The following NRG1 variants were observed in gnomAD, a reference collection of about 807,000 sequenced individuals.
NRG1 encodes neuregulin 1.
NRG1 carries 18 observed loss-of-function variants against 63.8 expected under a neutral mutation model. The ratio of observed to expected loss-of-function variants is 0.28; its 90% CI spans 0.19 to 0.42. NRG1 has a LOEUF of 0.42. Among genes scored for constraint, NRG1 ranks in the 10% least tolerant of loss-of-function variants. The pLI is 1.00. For missense variants in NRG1, 762 were observed against 814.7 expected (o/e 0.94, Z 0.79); for synonymous variants, 302 against 301.3 (o/e 1.00, Z -0.02).
chr8:32,407,946 A>C (rs892696823), intron 1 of NRG1, among the ~76,000 whole-genome samples: 1 of 152,184 alleles, frequency 6.6e-6, no homozygotes, highest in Non-Finnish European at 1.5e-5. Flanking sequence ...CTGAGAAGTC[A>C]CCAAGTTCAA....
At position 32,066,653 on chromosome 8, in the gene NRG1, G is replaced by A. The variant is rs570226719; in HGVS notation, c.37+427222G>A. On this transcript the variant is annotated intron_variant, in intron 1 of 10. Transcript: ENST00000519301. ...TCCAGCTTTGTTCTTCTGGCTTAGT[G>A]TTGACTTGGCAATGAGGACTCTTTT... Among the ~76,000 whole-genome samples, 80 of 152,134 alleles carry A rather than the reference G, an allele frequency of 5.3e-4. No homozygotes were observed. In the South Asian group the frequency reaches 8.5e-3, roughly 16 times the overall value.
chr8:31,881,083 T>C (rs1830311852), intron 1 of NRG1, among the ~76,000 whole-genome samples: 2 of 152,204 alleles, frequency 1.3e-5, no homozygotes, highest in Admixed American at 1.3e-4. Flanking sequence ...TTTTTAAGTT[T>C]CCGTTCCAGG....
intron 1 of NRG1, among the ~76,000 whole-genome samples, chr8:31,879,222 G>A (rs772433216): frequency 1.3e-5 from 2 of 152,154 alleles, no homozygotes; most frequent in Non-Finnish European, 2.9e-5. Context: ...GAGTTATTGG[G>A]ATCAGAAGGT....
At chr8:32,065,255 A>C (rs1375116838) in intron 1 of NRG1, among the ~76,000 whole-genome samples, 4 of 152,004 alleles carry the variant, frequency 2.6e-5, no homozygotes, top group Admixed American at 2.0e-4. Context: ...CACAACGTGC[A>C]GGTTTGTTAC....
intron 1 of NRG1, among the ~76,000 whole-genome samples, chr8:31,863,232 G>A (rs558815062): frequency 1.3e-5 from 2 of 152,306 alleles, no homozygotes; most frequent in Admixed American, 6.5e-5. Flanking sequence ...CTTGGATATT[G>A]AAAATACTAA....
intron 1 of NRG1, among the ~76,000 whole-genome samples, chr8:32,435,135 A>C (rs185002879): frequency 4.6e-5 from 7 of 152,162 alleles, no homozygotes; most frequent in Non-Finnish European, 7.3e-5. Flanking sequence ...GATGGCAGAT[A>C]GGCACAATGG....
At chr8:31,947,233 G>A (rs1031554853) in intron 1 of NRG1, among the ~76,000 whole-genome samples, 1 of 150,656 alleles carries the variant, frequency 6.6e-6, no homozygotes, top group East Asian at 2.0e-4. Context: ...CCGGGAAGCG[G>A]AGCTTGCAGT....
At chr8:32,527,310 C>T (rs1228561412) in intron 1 of NRG1, among the ~76,000 whole-genome samples, 2 of 151,828 alleles carry the variant, frequency 1.3e-5, no homozygotes, top group Admixed American at 1.3e-4. Context: ...CACACAGACA[C>T]ACACCGTGGA....
intron 1 of NRG1, among the ~76,000 whole-genome samples, chr8:32,366,689 A>ATATATG (rs1808089155): frequency 1.9e-5 from 1 of 53,482 alleles, no homozygotes. Flanking sequence ...ATATATATAT[A>ATATATG]TATATATATA....
At chr8:32,721,837 T>A in intron 5 of NRG1, 1 of 1,376,992 alleles carries the variant, frequency 7.3e-7, no homozygotes. Context: ...GCACAGCTCT[T>A]TCTGCTCAGC....
intron 1 of NRG1, among the ~76,000 whole-genome samples, chr8:32,360,458 C>CA (rs1807059690): frequency 6.6e-6 from 1 of 151,814 alleles, no homozygotes; most frequent in Non-Finnish European, 1.5e-5. Context: ...AAAATTCAGC[C>CA]AAAAAATAGT....
intron 1 of NRG1, among the ~76,000 whole-genome samples, chr8:32,184,481 T>C (rs1032760563): frequency 3.3e-5 from 5 of 152,166 alleles, no homozygotes; most frequent in Non-Finnish European, 5.9e-5. Context: ...ATTGTGTTGA[T>C]AGGAGAGTTT....
At chr8:32,050,319 A>G (rs931606705) in intron 1 of NRG1, among the ~76,000 whole-genome samples, 1 of 152,244 alleles carries the variant, frequency 6.6e-6, no homozygotes, top group South Asian at 2.1e-4. Context: ...GACTTCTAGG[A>G]TATCACACCT....
chr8:32,097,749 G>A (rs1830069623), intron 1 of NRG1, among the ~76,000 whole-genome samples: 2 of 152,150 alleles, frequency 1.3e-5, no homozygotes, highest in Admixed American at 6.5e-5. Flanking sequence ...GGTAACACCT[G>A]TTTGTGGCTT....
At chr8:32,593,885 A>C (rs988184912) in intron 1 of NRG1, among the ~76,000 whole-genome samples, 1 of 151,654 alleles carries the variant, frequency 6.6e-6, no homozygotes, top group Non-Finnish European at 1.5e-5. Context: ...GAACCAGACA[A>C]AATATTCAGG....
At chr8:31,786,459 C>G (rs1410467152) in intron 1 of NRG1, among the ~76,000 whole-genome samples, 1 of 152,172 alleles carries the variant, frequency 6.6e-6, no homozygotes, top group African/African-American at 2.4e-5. Context: ...TCCTCTAATT[C>G]AATGCTACTC....
intron 1 of NRG1, among the ~76,000 whole-genome samples, chr8:31,721,747 GT>G (rs1325593411): frequency 6.6e-6 from 1 of 152,102 alleles, no homozygotes; most frequent in African/African-American, 2.4e-5. Context: ...TGAAACGCAT[GT>G]TGCAGTTCCA....
Position 31,640,371 on chromosome 8 carries a change from C to G in NRG1, c.37+940C>G. On this transcript the variant is annotated intron_variant, in intron 1 of 10. Transcript: ENST00000519301. This position sits in a 1 kb window ranked among gnomAD's most constrained non-coding sequence, Gnocchi z 6.3. ...GCCCACGGGCGCTGGGGCCGCCCGC[C>G]GAGGAGCCGCTGCTCGCCGCCAACG... 1 of 1,273,324 alleles carries G rather than the reference C, an allele frequency of 7.9e-7. No homozygotes were observed. Among genetic ancestry groups the G allele is most frequent in the Non-Finnish European group, 9.9e-7 (1 of 1,008,160 alleles). The allele number at this position is 1,273,324 out of a possible 1,614,324, so 78.9% of individuals were successfully genotyped here.
intron 1 of NRG1, among the ~76,000 whole-genome samples, chr8:32,245,646 C>A (rs1410266200): frequency 6.6e-6 from 1 of 152,028 alleles, no homozygotes; most frequent in Non-Finnish European, 1.5e-5. Context: ...CTCTTTTGAT[C>A]AAAAATAATC....
Sources: allele counts gnomAD v4.1 joint callset (sites outside exome capture counted in the v4.1 genomes callset), GRCh38; gene constraint gnomAD v4.1.1; non-coding constraint Gnocchi (gnomAD v3.1); transcripts MANE v1.5; gene names NCBI Gene and HGNC (gene_info 2026-07-23, HGNC 2026-07-21).